FREM3: variants seen among roughly 807,000 people sequenced by gnomAD.
The protein encoded by FREM3 is FRAS1-related extracellular matrix protein 3.
Under a neutral mutation model 129.1 loss-of-function variants are expected in FREM3, and 105 were observed. The observed-to-expected ratio is 0.81, with a 90% CI of 0.69 to 0.96. FREM3 has a LOEUF of 0.96. Ranked by LOEUF, FREM3 falls within the 40% of genes least tolerant of loss-of-function variation. The pLI, the probability that FREM3 is intolerant of heterozygous loss-of-function variation, is 0.00. For synonymous variants in FREM3, 1,014 were observed against 1,044.9 expected, an observed-to-expected ratio of 0.97 and a Z score of 0.57; for missense variants, 2,593 against 2,666.3, an observed-to-expected ratio of 0.97 and a Z score of 0.61.
At position 143,696,907 on chromosome 4, in the gene FREM3, G is replaced by A. The variant is rs747649007; in HGVS notation, c.3769C>T (p.Leu1257Phe). ...TGSQPIHSFT[L>F]KEIQEASTIV... ...GTGGAGGCCTCCTGGATCTCCTTGA[G>A]GGTGAAGCTGTGGATGGGCTGGCTG... The change falls in exon 1 of 8, where the codon CTC becomes TTC. Residue 1257 changes from leucine to phenylalanine, a missense_variant. By Grantham distance (22) the Leu-to-Phe change is conservative (BLOSUM62 0). Coordinates refer to ENST00000329798, the MANE Select transcript of FREM3 (RefSeq NM_001168235.2). The A allele has an allele frequency of 3.4e-5, 52 of 1,537,702 alleles. No individual in the cohort carries two copies. The highest frequency in any genetic ancestry group is 5.9e-5 in the Admixed American group (3 of 51,004).
At chr4:143,601,466 C>G (rs1304883526) in intron 6 of FREM3, among the ~76,000 whole-genome samples, 3 of 152,136 alleles carry the variant, frequency 2.0e-5, no homozygotes, top group African/African-American at 7.2e-5. Flanking sequence ...TGGCAGGTTA[C>G]TAGAGTTCTC....
At chr4:143,676,745 A>G (rs571106064) in intron 2 of FREM3, among the ~76,000 whole-genome samples, 2 of 152,338 alleles carry the variant, frequency 1.3e-5, no homozygotes, top group African/African-American at 2.4e-5. Context: ...TTATACACCA[A>G]TAAGAAACAA....
intron 2 of FREM3, among the ~76,000 whole-genome samples, chr4:143,670,879 AT>A (rs1739953020): frequency 1.3e-5 from 2 of 152,168 alleles, no homozygotes; most frequent in Non-Finnish European, 2.9e-5. Context: ...GATTAAAAAA[AT>A]AAATTATAAT....
chr4:143,659,434 G>A (rs1181133615), intron 2 of FREM3, among the ~76,000 whole-genome samples: 1 of 152,114 alleles, frequency 6.6e-6, no homozygotes, highest in Non-Finnish European at 1.5e-5. Flanking sequence ...TGGCTGCATA[G>A]TATTCCATGG....
At chr4:143,595,169 G>A (rs1414935446) in intron 6 of FREM3, among the ~76,000 whole-genome samples, 4 of 152,230 alleles carry the variant, frequency 2.6e-5, no homozygotes, top group Non-Finnish European at 5.9e-5. Flanking sequence ...GGTAAACTGA[G>A]AAACCATACA....
Position 143,700,633 on chromosome 4 carries a change from G to A in FREM3, c.43C>T (p.Leu15Phe), listed in dbSNP as rs1478435455. The change falls in exon 1 of 8, where the codon CTC (leucine) becomes TTC (phenylalanine). Residue 15 changes from leucine to phenylalanine, a missense_variant. Transcript: ENST00000329798. Reference protein sequence around the residue: ...SRHPTGTPRQLLVALACLLLS... With the variant: ...SRHPTGTPRQFLVALACLLLS... The stretch of plus-strand genomic sequence containing the variant: ...AGCAGGCAGGCGAGCGCCACAAGGA[G>A]CTGCCGGGGCGTCCCAGTCGGGTGC... 3.5e-6 allele frequency: 5 copies of A among 1,440,260 alleles called. No homozygotes were observed. Among genetic ancestry groups the A allele is most frequent in the Admixed American group, 2.7e-5 (1 of 37,502 alleles). 89.2% of individuals were successfully genotyped at this position (1,440,260 alleles called of 1,614,324 possible). A position where few individuals can be genotyped will look rare whatever the true frequency, so the allele number is the denominator to read the frequency against.
chr4:143,595,614 A>G (rs187806993), intron 6 of FREM3, among the ~76,000 whole-genome samples: 88 of 152,270 alleles, frequency 5.8e-4, no homozygotes, highest in Non-Finnish European at 8.1e-4. Flanking sequence ...GGAGCCGGGC[A>G]CCGTGGCTCT....
intron 2 of FREM3, among the ~76,000 whole-genome samples, chr4:143,669,323 A>G (rs1366063941): frequency 6.6e-6 from 1 of 152,162 alleles, no homozygotes; most frequent in Non-Finnish European, 1.5e-5. Flanking sequence ...TAATTTCTTT[A>G]GAGAGAGGGT....
intron 2 of FREM3, among the ~76,000 whole-genome samples, chr4:143,630,972 T>C (rs939270789): frequency 5.9e-5 from 9 of 152,144 alleles, no homozygotes; most frequent in African/African-American, 2.2e-4. Context: ...TAAGTACATG[T>C]ATTGGCCAGA....
chr4:143,674,392 C>T (rs746687028), intron 2 of FREM3, among the ~76,000 whole-genome samples: 12 of 152,060 alleles, frequency 7.9e-5, no homozygotes, highest in Non-Finnish European at 1.2e-4. Context: ...CTGAAGGAAG[C>T]GCTAAACATG....
intron 6 of FREM3, among the ~76,000 whole-genome samples, chr4:143,588,820 C>T (rs1738296460): frequency 1.3e-5 from 2 of 150,364 alleles, no homozygotes; most frequent in South Asian, 4.3e-4. Flanking sequence ...AATCGCCACA[C>T]TGACTTCCAC....
chr4:143,627,122 A>G (rs1425290491), intron 3 of FREM3, among the ~76,000 whole-genome samples: 1 of 152,188 alleles, frequency 6.6e-6, no homozygotes, highest in Admixed American at 6.5e-5. Context: ...TGTAGAACAT[A>G]AAGAAATTTG....
chr4:143,646,332 G>A (rs1285381036), intron 2 of FREM3, among the ~76,000 whole-genome samples: 2 of 152,182 alleles, frequency 1.3e-5, no homozygotes, highest in Non-Finnish European at 2.9e-5. Context: ...TAAGGTATTA[G>A]GACATGCTGT....
Position 143,621,159 on chromosome 4 carries a change from G to A in FREM3, c.5657C>T (p.Ser1886Leu), listed in dbSNP as rs747773353. Residue 1886 changes from serine to leucine, a missense_variant, in exon 5 of 8, where the codon TCA (serine) becomes TTA (leucine). Around this residue, in one of 2 missense-constraint regions of FREM3, gnomAD observed 317 missense variants for 399.0 expected, o/e 0.79. Coordinates refer to ENST00000329798, the MANE Select transcript of FREM3 (RefSeq NM_001168235.2). ...TTCCGCCTCTGGAATATAAACTGTT[G>A]ATTCTAGAAAAGATGGCAGAAGACT... is the stretch of plus-strand genomic sequence containing the variant. ...TVEIVDPGDE[S>L]TVYIPEAEYK... 7 of 1,536,848 alleles carry A rather than the reference G, an allele frequency of 4.6e-6. No homozygotes were observed. In the South Asian group the frequency reaches 6.0e-5, roughly 13 times the overall value.
chr4:143,649,614 A>G (rs921259746), intron 2 of FREM3, among the ~76,000 whole-genome samples: 1 of 152,320 alleles, frequency 6.6e-6, no homozygotes, highest in Middle Eastern at 3.4e-3. Flanking sequence ...GAAGATATTC[A>G]TGGCTTTCAA....
intron 2 of FREM3, among the ~76,000 whole-genome samples, chr4:143,647,537 G>A (rs1413550422): frequency 6.6e-6 from 1 of 152,214 alleles, no homozygotes; most frequent in Non-Finnish European, 1.5e-5. Flanking sequence ...GCTGCTTTGT[G>A]TGGTCTTGGG....
chr4:143,647,356 C>A (rs1739437225), intron 2 of FREM3, among the ~76,000 whole-genome samples: 1 of 152,310 alleles, frequency 6.6e-6, no homozygotes. Flanking sequence ...GGGAGAAATT[C>A]AAGCCTGCTG....
chr4:143,607,123 G>C (rs1738681368), intron 6 of FREM3, among the ~76,000 whole-genome samples: 1 of 152,072 alleles, frequency 6.6e-6, no homozygotes, highest in Admixed American at 6.6e-5. Context: ...AAATGCTTTT[G>C]GAACTAATAC....
At chr4:143,654,401 G>A (rs1489659742) in intron 2 of FREM3, among the ~76,000 whole-genome samples, 1 of 152,210 alleles carries the variant, frequency 6.6e-6, no homozygotes, top group Non-Finnish European at 1.5e-5. Context: ...AGCATGCCAG[G>A]CCCAAACTAA....
Sources: allele counts gnomAD v4.1 joint callset (sites outside exome capture counted in the v4.1 genomes callset), GRCh38; gene constraint gnomAD v4.1.1; regional missense constraint gnomAD v4.1.1; transcripts MANE v1.5; gene names NCBI Gene and HGNC (gene_info 2026-07-23, HGNC 2026-07-21).